CSMD3: variants seen among roughly 807,000 people sequenced by gnomAD.
CSMD3 encodes CUB and sushi domain-containing protein 3.
Under a neutral mutation model 435.2 loss-of-function variants are expected in CSMD3, and 177 were observed. The ratio of observed to expected loss-of-function variants is 0.41; its 90% CI spans 0.36 to 0.46. CSMD3 has a LOEUF of 0.46. Among genes scored for constraint, CSMD3 ranks in the 20% least tolerant of loss-of-function variants. CSMD3 has a pLI of 0.34. For missense variants in CSMD3, 4,265 were observed against 4,504.6 expected, an observed-to-expected ratio of 0.95 and a Z score of 1.52; for synonymous variants, 1,656 against 1,520.5, an observed-to-expected ratio of 1.09 and a Z score of -2.07.
intron 13 of CSMD3, among the ~76,000 whole-genome samples, chr8:112,717,232 A>T (rs1380644910): frequency 6.6e-6 from 1 of 152,120 alleles, no homozygotes; most frequent in African/African-American, 2.4e-5. Context: ...AGAAAAAAAA[A>T]ACAACCCCAT....
intron 10 of CSMD3, among the ~76,000 whole-genome samples, chr8:112,919,339 C>T (rs919721333): frequency 5.9e-5 from 9 of 151,296 alleles, no homozygotes; most frequent in Middle Eastern, 3.4e-3. Flanking sequence ...GCTCTTTGTG[C>T]CATGGGGTTT....
chr8:112,247,216 T>G, intron 63 of CSMD3, 85 bp from the exon 64 acceptor site: 1 of 807,336 alleles, frequency 1.2e-6, no homozygotes, highest in Non-Finnish European at 2.1e-6. Context: ...GAAAATGTTA[T>G]CAAGTGAAAT....
At chr8:113,011,344 G>T (rs2086248017) in intron 6 of CSMD3, among the ~76,000 whole-genome samples, 1 of 151,760 alleles carries the variant, frequency 6.6e-6, no homozygotes, top group Admixed American at 6.6e-5. Context: ...CTAGAGTTAA[G>T]CAAAAAAGTG....
At chr8:113,343,878 C>T (rs2094135658) in intron 1 of CSMD3, among the ~76,000 whole-genome samples, 3 of 152,058 alleles carry the variant, frequency 2.0e-5, no homozygotes, top group Admixed American at 2.0e-4. Flanking sequence ...TGAGACCATC[C>T]TGACTAACGT....
chr8:112,575,276 C>T (rs1207251565), intron 23 of CSMD3, among the ~76,000 whole-genome samples: 4 of 151,974 alleles, frequency 2.6e-5, no homozygotes, highest in South Asian at 2.1e-4. Context: ...CTTTCTTGCA[C>T]GCTCCATTTG....
Position 112,373,166 on chromosome 8 carries a change from T to C in CSMD3, c.6136+7186A>G, listed in dbSNP as rs550336991. Among the ~76,000 whole-genome samples, 9 of 152,020 alleles carry C rather than the reference T, an allele frequency of 5.9e-5. No homozygotes were observed. In the South Asian group the frequency reaches 1.9e-3, roughly 32 times the overall value. ...TATTTAAAATACTCCTTTAGGAATA[T>C]AGTAAGAGTCTACTTTCTTGGATGA... On this transcript the variant is annotated intron_variant, in intron 38 of 70. Transcript: ENST00000297405.
Position 112,241,755 on chromosome 8 carries a change from C to A in CSMD3, c.10433G>T (p.Arg3478Ile). 4.3e-6 allele frequency: 7 copies of A among 1,612,562 alleles called. No homozygotes were observed. The highest frequency in any genetic ancestry group is 5.9e-6 in the Non-Finnish European group (7 of 1,178,976). Reference protein sequence around the residue: ...AGSKILVKDPRPALGTPSPKL... With the variant: ...AGSKILVKDPIPALGTPSPKL... ...TGGGCTGGGTGTTCCCAGTGCAGGT[C>A]TAGGATCTTTCACCAATATTTTAGA... The change falls in exon 66 of 71, where the codon AGA becomes ATA. Residue 3478 changes from arginine (R) to isoleucine (I), a missense_variant. Physicochemically the swap from Arg to Ile is moderately conservative, Grantham distance 97. Coordinates refer to ENST00000297405, the MANE Select transcript of CSMD3 (RefSeq NM_198123.2).
chr8:112,409,502 TA>T (rs1338901756), intron 32 of CSMD3, among the ~76,000 whole-genome samples: 8 of 152,016 alleles, frequency 5.3e-5, no homozygotes, highest in Non-Finnish European at 1.0e-4. Flanking sequence ...TTATGAGTAA[TA>T]ATTTCATTAG....
intron 9 of CSMD3, among the ~76,000 whole-genome samples, chr8:112,925,271 T>C (rs2082874021): frequency 6.6e-6 from 1 of 152,142 alleles, no homozygotes; most frequent in Non-Finnish European, 1.5e-5. Flanking sequence ...AGGTTACACA[T>C]GAAGCTCTTA....
At chr8:113,140,656 A>T (rs2091526418) in intron 4 of CSMD3, among the ~76,000 whole-genome samples, 1 of 151,212 alleles carries the variant, frequency 6.6e-6, no homozygotes, top group Non-Finnish European at 1.5e-5. Context: ...ATTTCTAAAT[A>T]AACTGTGAAT....
intron 16 of CSMD3, among the ~76,000 whole-genome samples, chr8:112,679,590 A>T (rs567500544): frequency 6.6e-6 from 1 of 152,322 alleles, no homozygotes; most frequent in Non-Finnish European, 1.5e-5. Flanking sequence ...TTAAAAGTTA[A>T]ATACCATTTG....
chr8:112,776,168 A>C (rs2078240608), intron 13 of CSMD3, among the ~76,000 whole-genome samples: 1 of 151,804 alleles, frequency 6.6e-6, no homozygotes, highest in African/African-American at 2.4e-5. Context: ...CATGGGAAAC[A>C]TAACAGCCGT....
intron 22 of CSMD3, 67 bp downstream of exon 22, chr8:112,636,750 G>C (rs2074671164): frequency 7.9e-7 from 1 of 1,261,246 alleles, no homozygotes; most frequent in Non-Finnish European, 1.2e-6. Flanking sequence ...AGAACGAAGG[G>C]TGTAACCATG....
At chr8:112,956,215 T>C (rs939322521) in intron 7 of CSMD3, among the ~76,000 whole-genome samples, 7 of 152,026 alleles carry the variant, frequency 4.6e-5, no homozygotes, top group African/African-American at 1.4e-4. Context: ...CTCTTTATAG[T>C]TTAAGATTCT....
At chr8:113,133,385 T>A (rs1360344914) in intron 4 of CSMD3, among the ~76,000 whole-genome samples, 1 of 152,110 alleles carries the variant, frequency 6.6e-6, no homozygotes, top group Non-Finnish European at 1.5e-5. Flanking sequence ...CCGTTAGGAT[T>A]GCTACTGTAA....
At chr8:113,231,657 A>G (rs2093088659) in intron 3 of CSMD3, among the ~76,000 whole-genome samples, 1 of 151,536 alleles carries the variant, frequency 6.6e-6, no homozygotes, top group Admixed American at 6.6e-5. Context: ...TACAGTACAA[A>G]AAATACAAAA....
intron 6 of CSMD3, among the ~76,000 whole-genome samples, chr8:112,993,441 C>T (rs529100097): frequency 6.6e-6 from 1 of 151,792 alleles, no homozygotes; most frequent in African/African-American, 2.4e-5. Flanking sequence ...GAATGGCATG[C>T]GTTGGATTCT....
intron 63 of CSMD3, among the ~76,000 whole-genome samples, chr8:112,251,739 T>C (rs1394917857): frequency 6.6e-6 from 1 of 151,726 alleles, no homozygotes; most frequent in East Asian, 1.9e-4. Context: ...AATAACTTTA[T>C]GTAACAAGCC....
At chr8:112,733,161 A>G (rs534542059) in intron 13 of CSMD3, among the ~76,000 whole-genome samples, 40 of 152,258 alleles carry the variant, frequency 2.6e-4, no homozygotes, top group Non-Finnish European at 5.1e-4. Context: ...ATTATGCCTA[A>G]TAAAATAATA....
Sources: allele counts gnomAD v4.1 joint callset (sites outside exome capture counted in the v4.1 genomes callset), GRCh38; gene constraint gnomAD v4.1.1; transcripts MANE v1.5; gene names NCBI Gene and HGNC (gene_info 2026-07-23, HGNC 2026-07-21).